The following CXCL13 variants were observed in gnomAD, a reference collection of about 807,000 sequenced individuals.
CXCL13 encodes C-X-C motif chemokine ligand 13, also known as C-X-C motif chemokine 13.
In CXCL13, 7 loss-of-function variants were observed where a neutral mutation model predicts 12.2. The observed-to-expected ratio is 0.57, with a 90% CI of 0.33 to 1.07. The LOEUF (loss-of-function observed/expected upper bound fraction) is 1.07. Among genes scored for constraint, CXCL13 ranks in the 50% least tolerant of loss-of-function variants. The pLI is 0.04. For missense variants in CXCL13, 113 were observed against 127.4 expected, an observed-to-expected ratio of 0.89 and a Z score of 0.55; for synonymous variants, 47 against 42.4, an observed-to-expected ratio of 1.11 and a Z score of -0.42.
intron 1 of CXCL13, among the ~76,000 whole-genome samples, chr4:77,560,368 T>G (rs551018216): frequency 1.3e-5 from 2 of 152,358 alleles, no homozygotes; most frequent in East Asian, 3.9e-4. Flanking sequence ...TGCTTCTTTA[T>G]CTCCAACTGC....
At chr4:77,516,167 C>T (rs1036590373) in intron 1 of CXCL13, among the ~76,000 whole-genome samples, 1 of 152,174 alleles carries the variant, frequency 6.6e-6, no homozygotes, top group African/African-American at 2.4e-5. Context: ...CCCACTTGAT[C>T]ATGGTGGATA....
At chr4:77,608,192 G>A (rs550933723) in intron 2 of CXCL13, among the ~76,000 whole-genome samples, 6 of 152,236 alleles carry the variant, frequency 3.9e-5, no homozygotes, top group East Asian at 1.9e-4. Flanking sequence ...TGTAATCCCA[G>A]CACTTTAGGA....
intron 1 of CXCL13, among the ~76,000 whole-genome samples, chr4:77,587,106 A>T (rs1326685726): frequency 6.6e-6 from 1 of 152,208 alleles, no homozygotes; most frequent in East Asian, 1.9e-4. Flanking sequence ...CTGTCTGGCT[A>T]TAATGCAGCC....
upstream of CXCL13, among the ~76,000 whole-genome samples, chr4:77,603,455 G>A (rs1319079955): frequency 2.6e-5 from 4 of 152,184 alleles, no homozygotes; most frequent in African/African-American, 9.7e-5. Flanking sequence ...TCAGATGTAT[G>A]CATTTAAGTG....
chr4:77,542,284 G>A (rs1246887921), intron 1 of CXCL13, among the ~76,000 whole-genome samples: 1 of 152,082 alleles, frequency 6.6e-6, no homozygotes, highest in African/African-American at 2.4e-5. Context: ...CTTGTCTTAT[G>A]CCAGTTCTCA....
intron 1 of CXCL13, among the ~76,000 whole-genome samples, chr4:77,581,561 T>G (rs539321118): frequency 6.6e-6 from 1 of 152,250 alleles, no homozygotes; most frequent in African/African-American, 2.4e-5. Flanking sequence ...TTGCTAAGAT[T>G]TGACTTAATT....
chr4:77,570,126 A>G (rs764629559), intron 1 of CXCL13, among the ~76,000 whole-genome samples: 21 of 152,242 alleles, frequency 1.4e-4, no homozygotes, highest in Non-Finnish European at 2.4e-4. Context: ...AAACTAATTC[A>G]ACATGGATTA....
intron 1 of CXCL13, among the ~76,000 whole-genome samples, chr4:77,567,431 C>T (rs780581640): frequency 2.0e-5 from 3 of 152,204 alleles, no homozygotes; most frequent in Non-Finnish European, 4.4e-5. Flanking sequence ...ACTCTCCACA[C>T]AAATACTTAC....
chr4:77,516,640 G>A (rs1284394046), intron 1 of CXCL13, among the ~76,000 whole-genome samples: 1 of 152,130 alleles, frequency 6.6e-6, no homozygotes, highest in Non-Finnish European at 1.5e-5. Flanking sequence ...ATTTCTGTGG[G>A]ATCAGTGGTG....
chr4:77,569,159 T>C (rs1198743432), intron 1 of CXCL13, among the ~76,000 whole-genome samples: 1 of 152,204 alleles, frequency 6.6e-6, no homozygotes, highest in East Asian at 1.9e-4. Flanking sequence ...GCCAACATTA[T>C]ACTGAATGGG....
chr4:77,543,488 T>C (rs934995707), intron 1 of CXCL13, among the ~76,000 whole-genome samples: 7 of 152,136 alleles, frequency 4.6e-5, no homozygotes, highest in African/African-American at 1.4e-4. Context: ...GACATAGGCA[T>C]TTAGCACTAT....
intron 1 of CXCL13, among the ~76,000 whole-genome samples, chr4:77,536,625 G>C (rs1214629639): frequency 1.3e-5 from 2 of 152,194 alleles, no homozygotes; most frequent in Non-Finnish European, 2.9e-5. Context: ...ATGGTGCTGG[G>C]TAAGAGTAAA....
chr4:77,574,454 A>C (rs1004488435), intron 1 of CXCL13, among the ~76,000 whole-genome samples: 20 of 151,944 alleles, frequency 1.3e-4, no homozygotes, highest in Non-Finnish European at 2.8e-4. Flanking sequence ...ATCAGAAATT[A>C]CTTTGCATTA....
intron 1 of CXCL13, among the ~76,000 whole-genome samples, chr4:77,597,939 C>A (rs1726800849): frequency 6.6e-6 from 1 of 152,218 alleles, no homozygotes; most frequent in Non-Finnish European, 1.5e-5. Context: ...TCTCATTTCT[C>A]TTCGGAACTT....
intron 1 of CXCL13, among the ~76,000 whole-genome samples, chr4:77,580,034 A>G (rs1398236555): frequency 6.6e-6 from 1 of 152,142 alleles, no homozygotes; most frequent in Non-Finnish European, 1.5e-5. Flanking sequence ...AACTGTACAA[A>G]CCAGCTGACT....
upstream of CXCL13, among the ~76,000 whole-genome samples, chr4:77,602,489 T>C (rs1391684013): frequency 6.6e-6 from 1 of 152,218 alleles, no homozygotes; most frequent in African/African-American, 2.4e-5. Flanking sequence ...GAGAATCTCG[T>C]TGAATGCAGG....
At chr4:77,558,362 A>AT (rs572831777) in intron 1 of CXCL13, among the ~76,000 whole-genome samples, 106 of 147,780 alleles carry the variant, frequency 7.2e-4, no homozygotes, top group Non-Finnish European at 7.7e-4. Context: ...ACTACTTCTA[A>AT]TTTTTTTTTT....
intron 1 of CXCL13, among the ~76,000 whole-genome samples, chr4:77,523,837 T>C (rs1204343381): frequency 6.6e-6 from 1 of 152,238 alleles, no homozygotes; most frequent in Non-Finnish European, 1.5e-5. Flanking sequence ...TTTCTCCCCA[T>C]CTTTGTGGCT....
At chr4:77,602,183 C>T (rs1481800742), upstream of CXCL13, among the ~76,000 whole-genome samples, 1 of 152,174 alleles carries the variant, frequency 6.6e-6, no homozygotes, top group Non-Finnish European at 1.5e-5. Context: ...GATACTTTGT[C>T]CAATTATGCC....
Sources: gnomAD v4.1 joint callset for allele counts (sites outside exome capture counted in the v4.1 genomes callset) on GRCh38, gnomAD v4.1.1 for gene constraint, MANE v1.5 for transcripts, NCBI Gene and HGNC (gene_info 2026-07-23, HGNC 2026-07-21) for gene names.